DCHS2: variants seen among roughly 807,000 people sequenced by gnomAD.
DCHS2 encodes the protein dachsous cadherin-related 2.
DCHS2 carries 142 observed loss-of-function variants against 182.4 expected under a neutral mutation model. That is an observed-to-expected ratio of 0.78 (90% CI 0.68 to 0.89). The LOEUF is 0.89. DCHS2 is among the 40% of genes least tolerant of loss of function. The probability of loss-of-function intolerance (pLI) is 0.00; values close to 1 mark genes in which losing one functional copy is unlikely to be tolerated. For missense variants in DCHS2, 4,319 were observed against 4,198.6 expected (o/e 1.03, Z -0.79); for synonymous variants, 1,740 against 1,663.3 (o/e 1.05, Z -1.12).
intron 12 of DCHS2, 93 bp from the exon 13 acceptor site, chr4:154,298,801 A>AAAATATAATCGGGAAT: frequency 6.9e-7 from 1 of 1,442,566 alleles, no homozygotes; most frequent in Non-Finnish European, 9.1e-7. Flanking sequence ...ACATTCATTA[A>AAAATATAATCGGGAAT]AAATATATTT....
chr4:154,248,023 T>C (rs1732166147), intron 16 of DCHS2, among the ~76,000 whole-genome samples: 1 of 152,108 alleles, frequency 6.6e-6, no homozygotes, highest in African/African-American at 2.4e-5. Context: ...GAACCAGGTC[T>C]TCATGAAAAA....
chr4:154,487,808 G>C (rs1728640741), intron 1 of DCHS2, among the ~76,000 whole-genome samples: 1 of 152,204 alleles, frequency 6.6e-6, no homozygotes, highest in African/African-American at 2.4e-5. Flanking sequence ...AGCTCTTCAG[G>C]CTAGATATAT....
At chr4:154,307,282 A>T (rs1037503366) in intron 10 of DCHS2, among the ~76,000 whole-genome samples, 2 of 152,232 alleles carry the variant, frequency 1.3e-5, no homozygotes, top group African/African-American at 4.8e-5. Flanking sequence ...CTATCACCTC[A>T]CTGAGCAAAT....
intron 1 of DCHS2, among the ~76,000 whole-genome samples, chr4:154,454,693 T>C (rs1008450217): frequency 6.6e-6 from 1 of 152,110 alleles, no homozygotes; most frequent in Non-Finnish European, 1.5e-5. Context: ...CAGTACTACT[T>C]CAAGGCTATA....
chr4:154,330,519 C>T (rs1384677859), intron 5 of DCHS2, among the ~76,000 whole-genome samples: 2 of 152,100 alleles, frequency 1.3e-5, no homozygotes, highest in Non-Finnish European at 2.9e-5. Context: ...AAGACAAGCA[C>T]TCGGTCCAAT....
intron 1 of DCHS2, chr4:154,384,610 AGAG>A: frequency 7.1e-7 from 1 of 1,414,130 alleles, no homozygotes; most frequent in Admixed American, 2.6e-5. Context: ...GAGGATTTTG[AGAG>A]GAGAATCTTA....
At chr4:154,358,012 C>T (rs1266973782) in intron 3 of DCHS2, among the ~76,000 whole-genome samples, 1 of 152,116 alleles carries the variant, frequency 6.6e-6, no homozygotes, top group African/African-American at 2.4e-5. Context: ...TGGTAAGGTG[C>T]TGGTACCCCA....
intron 1 of DCHS2, among the ~76,000 whole-genome samples, chr4:154,442,284 C>T (rs1170377704): frequency 6.6e-6 from 1 of 152,074 alleles, no homozygotes; most frequent in Non-Finnish European, 1.5e-5. Flanking sequence ...GCAGACCTTA[C>T]TATCATTCCT....
At chr4:154,349,401 C>T (rs537665471) in intron 3 of DCHS2, among the ~76,000 whole-genome samples, 4 of 152,258 alleles carry the variant, frequency 2.6e-5, no homozygotes, top group East Asian at 1.9e-4. Flanking sequence ...GAAACTTTAG[C>T]GTGAGTGACT....
At chr4:154,358,572 AAT>A (rs1395397718) in intron 3 of DCHS2, among the ~76,000 whole-genome samples, 1 of 152,172 alleles carries the variant, frequency 6.6e-6, no homozygotes, top group African/African-American at 2.4e-5. Context: ...AAGAGAGGCA[AAT>A]GTTAGGCATG....
intron 3 of DCHS2, among the ~76,000 whole-genome samples, chr4:154,348,514 G>GA (rs1466242724): frequency 6.6e-6 from 1 of 151,918 alleles, no homozygotes; most frequent in Non-Finnish European, 1.5e-5. Context: ...ACCTTATTTG[G>GA]AAAAGGGTTT....
intron 1 of DCHS2, among the ~76,000 whole-genome samples, chr4:154,440,831 T>C (rs907131611): frequency 1.3e-5 from 2 of 152,150 alleles, no homozygotes; most frequent in African/African-American, 2.4e-5. Flanking sequence ...AAAATCACAA[T>C]TGAACCCTAC....
chr4:154,322,670 GA>G, intron 7 of DCHS2, 182 bp from the exon 8 acceptor site: 1 of 775,084 alleles, frequency 1.3e-6, no homozygotes. Context: ...TTTTATTATG[GA>G]AAATGCATAC....
chr4:154,427,440 G>A (rs115726376), intron 1 of DCHS2, among the ~76,000 whole-genome samples: 1,924 of 152,250 alleles, frequency 0.013, 29 homozygotes, highest in Middle Eastern at 0.037. Context: ...TCTCTTTTCC[G>A]TATGTCACTT....
At chr4:154,286,591 A>T (rs1037552179) in intron 13 of DCHS2, among the ~76,000 whole-genome samples, 2 of 152,018 alleles carry the variant, frequency 1.3e-5, no homozygotes, top group African/African-American at 4.8e-5. Flanking sequence ...ACAGTCTCTA[A>T]GCAACAGAAC....
intron 1 of DCHS2, among the ~76,000 whole-genome samples, chr4:154,441,398 TC>T (rs1420476235): frequency 6.6e-6 from 1 of 152,170 alleles, no homozygotes; most frequent in East Asian, 1.9e-4. Context: ...ATGTTCTTTT[TC>T]CCCAACCTTC....
intron 3 of DCHS2, among the ~76,000 whole-genome samples, chr4:154,352,750 G>C (rs6535999): frequency 0.87 from 131,805 of 152,192 alleles, 57,104 homozygotes; most frequent in South Asian, 0.93. Context: ...TAAGTGATGT[G>C]AGAAACCTAG....
intron 1 of DCHS2, among the ~76,000 whole-genome samples, chr4:154,436,746 G>A (rs1207708355): frequency 6.6e-6 from 1 of 152,140 alleles, no homozygotes; most frequent in Non-Finnish European, 1.5e-5. Context: ...GTTCAATATG[G>A]TAGCTAGTAG....
intron 13 of DCHS2, among the ~76,000 whole-genome samples, chr4:154,280,808 C>G (rs571335695): frequency 6.7e-6 from 1 of 149,274 alleles, no homozygotes; most frequent in South Asian, 2.1e-4. Flanking sequence ...AGATAAGGAA[C>G]AAGACAAGAA....
Sources: allele counts gnomAD v4.1 joint callset (sites outside exome capture counted in the v4.1 genomes callset), GRCh38; gene constraint gnomAD v4.1.1; transcripts MANE v1.5; gene names NCBI Gene and HGNC (gene_info 2026-07-23, HGNC 2026-07-21).